The following C9orf85 variants were observed in gnomAD, a reference collection of about 807,000 sequenced individuals.
C9orf85 encodes the protein chromosome 9 open reading frame 85.
In C9orf85, 16 loss-of-function variants were observed where a neutral mutation model predicts 14.9. The ratio of observed to expected loss-of-function variants is 1.08; its 90% CI spans 0.73 to 1.63. The LOEUF is 1.63. Among genes scored for constraint, C9orf85 ranks in the 40% most tolerant of loss-of-function variants. The probability of loss-of-function intolerance (pLI) is 0.00; values close to 1 mark genes in which losing one functional copy is unlikely to be tolerated. For synonymous variants in C9orf85, 45 were observed against 56.8 expected (o/e 0.79, Z 0.93); for missense variants, 172 against 186.1 (o/e 0.92, Z 0.44).
intron 1 of C9orf85, among the ~76,000 whole-genome samples, chr9:71,938,236 G>A (rs1410840621): frequency 1.3e-5 from 2 of 152,096 alleles, no homozygotes; most frequent in Admixed American, 6.5e-5. Context: ...GTTGATTATA[G>A]CAAGAATTTT....
chr9:71,939,402 C>T (rs1008509413), intron 1 of C9orf85, among the ~76,000 whole-genome samples: 3 of 151,780 alleles, frequency 2.0e-5, no homozygotes, highest in Non-Finnish European at 4.4e-5. Flanking sequence ...AAATCATTAA[C>T]CAAATACTAG....
At chr9:71,954,526 G>A (rs531314463) in intron 2 of C9orf85, among the ~76,000 whole-genome samples, 1 of 152,274 alleles carries the variant, frequency 6.6e-6, no homozygotes, top group East Asian at 1.9e-4. Context: ...GTTATTTCTT[G>A]ATGATATGCT....
At chr9:71,949,316 T>C (rs954493838) in intron 2 of C9orf85, among the ~76,000 whole-genome samples, 3 of 152,242 alleles carry the variant, frequency 2.0e-5, no homozygotes, top group African/African-American at 7.2e-5. Context: ...ATCTCTTACC[T>C]TTAATATGTG....
intron 1 of C9orf85, among the ~76,000 whole-genome samples, chr9:71,942,677 C>T (rs962896481): frequency 2.0e-5 from 3 of 152,072 alleles, no homozygotes; most frequent in Admixed American, 6.5e-5. Flanking sequence ...CCAAGGTGGG[C>T]GGATCACTTG....
chr9:71,963,239 A>T (rs1822573120), intron 2 of C9orf85, among the ~76,000 whole-genome samples: 1 of 152,236 alleles, frequency 6.6e-6, no homozygotes, highest in Admixed American at 6.5e-5. Flanking sequence ...AATGAGACTC[A>T]GAGAAGTTAA....
At chr9:71,963,618 G>C (rs757532942) in intron 2 of C9orf85, among the ~76,000 whole-genome samples, 1 of 152,194 alleles carries the variant, frequency 6.6e-6, no homozygotes, top group African/African-American at 2.4e-5. Context: ...TGGGCTTGGC[G>C]GGCCCTGCAC....
At chr9:71,968,009 C>T in intron 2 of C9orf85, among the ~76,000 whole-genome samples, 1 of 151,544 alleles carries the variant, frequency 6.6e-6, no homozygotes. Context: ...TTTCTTAGAA[C>T]ATTGCTTTAG....
chr9:71,960,913 G>GTTTTTT (rs111315320), intron 2 of C9orf85, among the ~76,000 whole-genome samples: 1 of 124,604 alleles, frequency 8.0e-6, no homozygotes, highest in African/African-American at 2.9e-5. Context: ...GTTCCAAATT[G>GTTTTTT]TTTTTTTTTT....
At chr9:71,911,962 G>A (rs1264015029) in intron 1 of C9orf85, 126 bp downstream of exon 1, 1 of 799,956 alleles carries the variant, frequency 1.3e-6, no homozygotes, top group Non-Finnish European at 2.2e-6. Flanking sequence ...AGTCTTGGCT[G>A]CAGTGCAACT....
intron 2 of C9orf85, among the ~76,000 whole-genome samples, chr9:71,961,843 T>G (rs1822531975): frequency 6.6e-6 from 1 of 152,218 alleles, no homozygotes; most frequent in Admixed American, 6.5e-5. Context: ...TTTTTATTTT[T>G]TATTTTTCAT....
intron 3 of C9orf85, among the ~76,000 whole-genome samples, chr9:71,980,598 G>A (rs78046230): frequency 0.022 from 3,389 of 152,170 alleles, 55 homozygotes; most frequent in South Asian, 0.059. Context: ...TACTCGATAT[G>A]TTTTCTGGCT....
chr9:71,925,317 T>C (rs1299043858), intron 1 of C9orf85, among the ~76,000 whole-genome samples: 1 of 152,168 alleles, frequency 6.6e-6, no homozygotes, highest in Non-Finnish European at 1.5e-5. Context: ...GGTCAGAAGT[T>C]CAAGACCAGC....
rs770566545 is a variant in C9orf85 at position 71,911,829 on chromosome 9, A to G, written c.95A>G (p.Gln32Arg). ...FKNDKFDKSVQTKKINAKLHD... is the reference protein window; with the variant it reads ...FKNDKFDKSVRTKKINAKLHD... ...AATGACAAGTTCGATAAAAGTGTGC[A>G]GACCAAGGTAGGAACCTGCCTGTTG... Residue 32 changes from glutamine to arginine, a missense_variant, in exon 1 of 4, where the codon CAG becomes CGG. Gln to Arg is a conservative substitution (Grantham distance 43). Coordinates refer to ENST00000334731, the MANE Select transcript of C9orf85 (RefSeq NM_182505.5). The G allele has an allele frequency of 1.1e-5, 18 of 1,613,938 alleles. No homozygotes were observed. In the East Asian group the frequency reaches 3.1e-4, roughly 28 times the overall value.
intron 1 of C9orf85, among the ~76,000 whole-genome samples, chr9:71,913,765 A>C (rs543197207): frequency 1.3e-5 from 2 of 152,148 alleles, no homozygotes; most frequent in Non-Finnish European, 2.9e-5. Flanking sequence ...AGCTTCTCCT[A>C]CTTGTACTTT....
At chr9:71,920,776 G>A (rs1488707097) in intron 1 of C9orf85, among the ~76,000 whole-genome samples, 1 of 152,136 alleles carries the variant, frequency 6.6e-6, no homozygotes, top group East Asian at 1.9e-4. Context: ...TAGCTGACAT[G>A]CCTAAGATTC....
At chr9:71,953,855 T>G (rs1450291775) in intron 2 of C9orf85, among the ~76,000 whole-genome samples, 2 of 152,036 alleles carry the variant, frequency 1.3e-5, no homozygotes, top group African/African-American at 2.4e-5. Context: ...TCCCAGCACT[T>G]TGAGAAGCTA....
intron 1 of C9orf85, among the ~76,000 whole-genome samples, chr9:71,922,467 C>T (rs750395991): frequency 6.6e-6 from 1 of 152,160 alleles, no homozygotes; most frequent in African/African-American, 2.4e-5. Flanking sequence ...CCTGGGAGCA[C>T]TGTTTCCCTG....
intron 2 of C9orf85, among the ~76,000 whole-genome samples, chr9:71,947,892 C>T (rs146623541): frequency 1.4e-3 from 212 of 152,256 alleles, no homozygotes; most frequent in African/African-American, 4.9e-3. Context: ...GTGATCTGCC[C>T]GCCTAGGCCT....
At chr9:71,972,650 A>T (rs1335959485) in intron 3 of C9orf85, 42 bp from the exon 4 acceptor site, 2 of 1,433,910 alleles carry the variant, frequency 1.4e-6, no homozygotes, top group East Asian at 4.7e-5. Context: ...TTAAATAATG[A>T]TAGCCTGGGA....
Sources: gnomAD v4.1 joint callset for allele counts (sites outside exome capture counted in the v4.1 genomes callset) on GRCh38, gnomAD v4.1.1 for gene constraint, MANE v1.5 for transcripts, NCBI Gene and HGNC (gene_info 2026-07-23, HGNC 2026-07-21) for gene names.